Variants in INSRR observed in about 807,000 individuals in gnomAD.
INSRR encodes the protein insulin receptor related receptor.
INSRR carries 114 observed loss-of-function variants against 130.0 expected under a neutral mutation model. That is an observed-to-expected ratio of 0.88 (90% CI 0.75 to 1.02). The LOEUF (loss-of-function observed/expected upper bound fraction) is 1.02. Among genes scored for constraint, INSRR ranks in the 50% least tolerant of loss-of-function variants. The pLI is 0.00. For missense variants in INSRR, 1,657 were observed against 1,735.2 expected (o/e 0.95, Z 0.80); for synonymous variants, 674 against 705.2 (o/e 0.96, Z 0.70).
intron 5 of INSRR, among the ~76,000 whole-genome samples, chr1:156,850,434 A>ACTC (rs1279518672): frequency 6.8e-6 from 1 of 147,276 alleles, no homozygotes; most frequent in African/African-American, 2.5e-5. Context: ...CTGGTCTTGA[A>ACTC]CTCCTGACCG....
chr1:156,845,259 G>T lies in INSRR; in HGVS notation c.2254C>A (p.Arg752=), dbSNP rs759130674. ...GRHRRAAGPL[R]LGGNSSDFEI... The stretch of plus-strand genomic sequence containing the variant: ...AAATCCGAGCTGTTGCCCCCCAGCC[G>T]GAGGGGCCCAGCTGCCCGGCGGTGC... Residue 752 remains arginine (R), a synonymous_variant, in exon 12 of 22, where the codon CGG becomes AGG. Transcript: ENST00000368195. The T allele has an allele frequency of 6.2e-7, 1 of 1,611,712 alleles. No homozygotes were observed. Among genetic ancestry groups the T allele is most frequent in the Non-Finnish European group, 8.5e-7 (1 of 1,179,130 alleles).
rs763722708 is a variant in INSRR, at chr1:156,849,478, A to T, written c.1230-18T>A. 2 of 913,252 alleles carry T rather than the reference A, an allele frequency of 2.2e-6. No individual in the cohort carries two copies. Among genetic ancestry groups the T allele is most frequent in the East Asian group, 5.8e-5 (1 of 17,330 alleles). 56.6% of individuals were successfully genotyped at this position (913,252 alleles called of 1,614,324 possible). A position where few individuals can be genotyped will look rare whatever the true frequency, so the allele number is the denominator to read the frequency against. On this transcript the variant is annotated intron_variant, in intron 5 of 21. Coordinates refer to ENST00000368195, the MANE Select transcript of INSRR (RefSeq NM_014215.3). ...TGTAGTTCCTGGGGGAGGCCAGGGGACCTTGCTCTGCGGGGAGGTGGGGGC... is the reference window on the plus strand; with the variant it reads ...TGTAGTTCCTGGGGGAGGCCAGGGGTCCTTGCTCTGCGGGGAGGTGGGGGC...
chr1:156,847,259 T>C (rs1655045547), intron 7 of INSRR, among the ~76,000 whole-genome samples: 1 of 152,220 alleles, frequency 6.6e-6, no homozygotes, highest in African/African-American at 2.4e-5. Flanking sequence ...AGAGTGTTCC[T>C]AGCTTCAACA....
At position 156,848,989 on chromosome 1, in the gene INSRR, T is replaced by C. The variant is rs574276346; in HGVS notation, c.1503A>G (p.Leu501=). 2.5e-6 allele frequency: 4 copies of C among 1,612,032 alleles called. No individual in the cohort carries two copies. The African/African-American group carries it at 4.0e-5, about 16-fold the overall frequency. The change falls in exon 7 of 22, where the codon CTA becomes CTG. Residue 501 remains leucine, a synonymous_variant. Coordinates refer to ENST00000368195, the MANE Select transcript of INSRR (RefSeq NM_014215.3). ...SNVTEADRIL[L]RWERYEPLEA... ...CCAGTGGCTCATAGCGCTCCCAGCG[T>C]AGCAGGATGCGGTCTGCCTCCGTCA...
Position 156,846,587 on chromosome 1 carries a change from G to T in INSRR, c.1742C>A (p.Thr581Asn). The T allele has an allele frequency of 6.2e-7, 1 of 1,614,152 alleles. No homozygotes were observed. The highest frequency in any genetic ancestry group is 2.2e-5 in the East Asian group (1 of 44,868). Residue 581 changes from threonine (T) to asparagine (N), a missense_variant, in exon 8 of 22, where the codon ACC becomes AAC. By Grantham distance (65) the Thr-to-Asn change is moderately conservative. Transcript: ENST00000368195. ...TTGATGAGGGCTGTCCTCCTCAGTG[G>T]TTAGCGTGATGGCCCGCACAAACAC... ...YAVFVRAITL[T>N]TEEDSPHQGA... is the part of the protein sequence containing the mutation.
intron 17 of INSRR, among the ~76,000 whole-genome samples, 179 bp from the exon 18 acceptor site, chr1:156,842,687 A>C (rs1307165844): frequency 2.6e-5 from 4 of 152,144 alleles, no homozygotes; most frequent in Admixed American, 2.6e-4. Context: ...GACCTTCATC[A>C]TATCTGATGA....
Position 156,858,051 on chromosome 1 carries a change from G to T in INSRR, c.85+486C>A, listed in dbSNP as rs1043230652. On this transcript the variant is annotated intron_variant, in intron 1 of 21. Transcript: ENST00000368195. ...GTAGGGATTGGGCCCTAAGAGGGGG[G>T]ACACAGGACAGGGCCCTGGAGGCAG... Among the ~76,000 whole-genome samples the T allele has an allele frequency of 3.3e-5, 5 of 152,190 alleles. No individual in the cohort carries two copies. In the East Asian group the frequency reaches 9.7e-4, roughly 29 times the overall value.
intron 1 of INSRR, among the ~76,000 whole-genome samples, chr1:156,857,696 C>G (rs1195534181): frequency 6.6e-6 from 1 of 152,196 alleles, no homozygotes. Flanking sequence ...AGAGGAGACT[C>G]CCCTGCCCCT....
Position 156,841,656 on chromosome 1 carries a change from C to CG in INSRR, c.3527+8dup. 6.2e-7 allele frequency: 1 copy of CG among 1,613,236 alleles called. No homozygotes were observed. The highest frequency in any genetic ancestry group is 1.1e-5 in the South Asian group (1 of 91,042). ...ATCCCTGGAGCCCTGTGCTCCAGCTCGGCCCCACCAGACATCCGAGTGGGT... is the reference window on the plus strand; with the variant it reads ...ATCCCTGGAGCCCTGTGCTCCAGCTCGGGCCCCACCAGACATCCGAGTGGGT... On this transcript the variant is annotated intron_variant, in intron 20 of 21. Coordinates refer to ENST00000368195, the MANE Select transcript of INSRR (RefSeq NM_014215.3).
chr1:156,845,724 C>T lies in INSRR; in HGVS notation c.2069G>A (p.Cys690Tyr), dbSNP rs1285288719. 1.2e-6 allele frequency: 2 copies of T among 1,613,676 alleles called. No homozygotes were observed. The highest frequency in any genetic ancestry group is 1.7e-4 in the Middle Eastern group (1 of 6,058). The change falls in exon 10 of 22, where the codon TGC becomes TAC. Residue 690 changes from cysteine to tyrosine, a missense_variant. Transcript: ENST00000368195. ...AACCTGACCAGGAGGTGGGTGCTGGCAAGGGCAGCAGTCGGACTCCATCTC... is the reference window on the plus strand; with the variant it reads ...AACCTGACCAGGAGGTGGGTGCTGGTAAGGGCAGCAGTCGGACTCCATCTC... ...EAEMESDCCP[C>Y]QHPPPGQVLP...
chr1:156,842,608 C>A (rs935805417), intron 17 of INSRR, 100 bp from the exon 18 acceptor site: 2 of 832,734 alleles, frequency 2.4e-6, no homozygotes, highest in Admixed American at 2.1e-5. Flanking sequence ...AGACACCAAA[C>A]CTGACCCTAA....
intron 5 of INSRR, among the ~76,000 whole-genome samples, chr1:156,849,684 A>G (rs1169816347): frequency 6.6e-6 from 1 of 152,096 alleles, no homozygotes; most frequent in Non-Finnish European, 1.5e-5. Context: ...GGTTTTCCTC[A>G]TCAGTGAAAT....
At chr1:156,849,076 C>A in intron 6 of INSRR, 29 bp from the exon 7 acceptor site, 1 of 1,603,690 alleles carries the variant, frequency 6.2e-7, no homozygotes, top group Non-Finnish European at 8.5e-7. Context: ...CTGCTCGCAA[C>A]CGCGCCTGCC....
chr1:156,841,184 G>A, intron 21 of INSRR, 80 bp from the exon 22 acceptor site: 2 of 1,155,750 alleles, frequency 1.7e-6, no homozygotes, highest in Non-Finnish European at 2.5e-6. Context: ...AGGGTCAGTT[G>A]GTGGGAGTGG....
In INSRR at chr1:156,845,407, AG is replaced by A. The variant is rs759375351; in HGVS notation, c.2180del (p.Pro727LeufsTer4). 1.7e-5 allele frequency: 26 copies of A among 1,559,300 alleles called. No homozygotes were observed. The highest frequency in any genetic ancestry group is 5.4e-5 in the Admixed American group (3 of 55,138). On this transcript the variant is annotated frameshift_variant, in exon 11 of 22. Transcript: ENST00000368195. LOFTEE classifies it high-confidence loss of function. ...TCTTGTTGATGGACGTCACCTTCCA[AG>A]GGGATCTGGGGAGGCCAGGAGTAGC... ...LHNAITIPIS[P>X]WKVTSINKSP...
At position 156,845,163 on chromosome 1, in the gene INSRR, G is replaced by C. The variant is rs773562647; in HGVS notation, c.2350C>G (p.Arg784Gly). The C allele has an allele frequency of 1.9e-6, 3 of 1,611,292 alleles. No individual in the cohort carries two copies. In the South Asian group the frequency reaches 3.3e-5, roughly 18 times the overall value. The change falls in exon 12 of 22, where the codon CGG (arginine) becomes GGG (glycine). Residue 784 changes from arginine (R) to glycine (G), a missense_variant. By Grantham distance (125) the Arg-to-Gly change is moderately radical. Coordinates refer to ENST00000368195, the MANE Select transcript of INSRR (RefSeq NM_014215.3). ...LSGLRHFTEY[R>G]IDIHACNHAA... ...TGGTTGCAGGCATGGATGTCGATCC[G>C]GTATTCCGTGAAGTGGCGCAGGCCG...
At chr1:156,845,512 C>G in intron 10 of INSRR, 99 bp from the exon 11 acceptor site, 7 of 1,483,970 alleles carry the variant, frequency 4.7e-6, no homozygotes, top group Non-Finnish European at 6.3e-6. Flanking sequence ...ACCCGGGACC[C>G]GCCCACACAA....
Position 156,858,694 on chromosome 1 carries a change from C to T in INSRR, c.-73G>A. The T allele has an allele frequency of 1.6e-6, 2 of 1,279,390 alleles. No individual in the cohort carries two copies. Among genetic ancestry groups the T allele is most frequent in the South Asian group, 1.2e-5 (1 of 84,224 alleles). 79.3% of individuals were successfully genotyped at this position (1,279,390 alleles called of 1,614,324 possible). On this transcript the variant is annotated 5_prime_UTR_variant, in exon 1 of 22. The change abolishes the stop of an existing upstream ORF in the 5' untranslated region. Coordinates refer to ENST00000368195, the MANE Select transcript of INSRR (RefSeq NM_014215.3). ...TCTGGGGAGAACGGTGTGATAAGCCCTAAGGGACACAGAGACCAGGGTTCA... is the reference window on the plus strand; with the variant it reads ...TCTGGGGAGAACGGTGTGATAAGCCTTAAGGGACACAGAGACCAGGGTTCA...
In INSRR at chr1:156,848,902, C is replaced by CCCCGCCCCCGCTCCGGT; in HGVS notation, c.1571+18_1571+19insACCGGAGCGGGGGCGGG. 6.4e-7 allele frequency: 1 copy of CCCCGCCCCCGCTCCGGT among 1,552,600 alleles called. No individual in the cohort carries two copies. Among genetic ancestry groups the CCCCGCCCCCGCTCCGGT allele is most frequent in the Non-Finnish European group, 8.7e-7 (1 of 1,147,876 alleles). ...TCGTCCGGTCCCGCCCCCGCTCCGG[C>CCCCGCCCCCGCTCCGGT]CCCGCCCCCGGCACTCACGACTCCT... On this transcript the variant is annotated intron_variant, in intron 7 of 21. Coordinates refer to ENST00000368195, the MANE Select transcript of INSRR (RefSeq NM_014215.3).
Sources: allele counts gnomAD v4.1 joint callset (sites outside exome capture counted in the v4.1 genomes callset), GRCh38; gene constraint gnomAD v4.1.1; transcripts MANE v1.5; gene names NCBI Gene and HGNC (gene_info 2026-07-23, HGNC 2026-07-21).